The following MED29 variants were observed in gnomAD, a reference collection of about 807,000 sequenced individuals.
The protein encoded by MED29 is mediator of RNA polymerase II transcription subunit 29.
A neutral mutation model predicts 22.0 loss-of-function variants in MED29; 14 were observed. That is an observed-to-expected ratio of 0.64 (90% CI 0.42 to 0.99). The LOEUF (loss-of-function observed/expected upper bound fraction) is 0.99, where lower values mean the gene tolerates loss of function less well. MED29 is among the 50% of genes least tolerant of loss of function. The pLI, the probability that MED29 is intolerant of heterozygous loss-of-function variation, is 0.00. For synonymous variants in MED29, 123 were observed against 107.8 expected, an observed-to-expected ratio of 1.14 and a Z score of -0.87; for missense variants, 241 against 253.7, an observed-to-expected ratio of 0.95 and a Z score of 0.34.
chr19:39,395,054 A>T (rs895493177), intron 3 of MED29, among the ~76,000 whole-genome samples: 13 of 151,768 alleles, frequency 8.6e-5, no homozygotes, highest in Non-Finnish European at 1.8e-4. Flanking sequence ...GGGTTTTGCC[A>T]TGTTGCTCAG....
At chr19:39,394,978 A>AACCTCCC (rs113688915) in intron 3 of MED29, among the ~76,000 whole-genome samples, 65,366 of 150,482 alleles carry the variant, frequency 0.43, 15,396 homozygotes, top group African/African-American at 0.61. Context: ...CTCCCACCTC[A>AACCTCCC]AAGTAGCTGG....
intron 3 of MED29, among the ~76,000 whole-genome samples, chr19:39,396,920 C>G (rs1432602654): frequency 2.7e-5 from 4 of 150,818 alleles, no homozygotes; most frequent in Non-Finnish European, 4.4e-5. Flanking sequence ...CCCAGCTACT[C>G]GGGAGGCTGA....
chr19:39,399,633 C>T lies in MED29; in HGVS notation c.*1934C>T, dbSNP rs1329416017. 6.6e-6 allele frequency: 1 copy of T among 152,384 alleles called. No individual in the cohort carries two copies. The highest frequency in any genetic ancestry group is 1.5e-5 in the Non-Finnish European group (1 of 68,040). The allele number at this position is 152,384 out of a possible 1,614,324, so 9.4% of individuals were successfully genotyped here. On this transcript the variant is annotated 3_prime_UTR_variant, in exon 4 of 4. Coordinates refer to ENST00000315588, the MANE Select transcript of MED29 (RefSeq NM_017592.4). The stretch of plus-strand genomic sequence containing the variant: ...CTCCAAATAAGTACGATAACATAGT[C>T]ATAGTCCCACCCAACATGATGCAGT...
intron 2 of MED29, among the ~76,000 whole-genome samples, chr19:39,393,216 C>T (rs2078408879): frequency 6.7e-6 from 1 of 149,886 alleles, no homozygotes; most frequent in South Asian, 2.1e-4. Context: ...CTGCCTCGGC[C>T]TCCCAAGTAG....
Position 39,391,604 on chromosome 19 carries a change from A to C in MED29, c.182A>C (p.Lys61Thr). The change falls in exon 1 of 4, where the codon AAG becomes ACG. Residue 61 changes from lysine (K) to threonine (T), a missense_variant. Transcript: ENST00000315588. ...QQDFDPVQRY[K>T]MLIPQLKESL... ...GACTTCGATCCTGTGCAGCGTTATA[A>C]GATGCTCATCCCGCAGCTGAAGGAG... 6.2e-7 allele frequency: 1 copy of C among 1,608,924 alleles called. No individual in the cohort carries two copies. Among genetic ancestry groups the C allele is most frequent in the Non-Finnish European group, 8.5e-7 (1 of 1,176,928 alleles).
At chr19:39,394,159 G>A (rs993177265) in intron 3 of MED29, among the ~76,000 whole-genome samples, 1 of 152,156 alleles carries the variant, frequency 6.6e-6, no homozygotes, top group South Asian at 2.1e-4. Context: ...TTAGGAAAAC[G>A]GAGTTTCCAG....
At chr19:39,392,601 G>A (rs543729123) in intron 2 of MED29, 79 bp downstream of exon 2, 315 of 1,133,084 alleles carry the variant, frequency 2.8e-4, no homozygotes, top group Non-Finnish European at 3.5e-4. Flanking sequence ...CCTGCTCCCC[G>A]CCCACCTCAC....
At chr19:39,393,498 G>A in intron 2 of MED29, 55 bp from the exon 3 acceptor site, 1 of 1,512,288 alleles carries the variant, frequency 6.6e-7, no homozygotes, top group Non-Finnish European at 9.2e-7. Context: ...GTAGATACTG[G>A]TGTCCCAAAG....
chr19:39,391,814 A>G lies in MED29; in HGVS notation c.216+176A>G, dbSNP rs1227566512. 3.9e-5 allele frequency among the ~76,000 whole-genome samples: 6 copies of G among 152,140 alleles called. 1 individual carries two copies. Among genetic ancestry groups the G allele is most frequent in the Admixed American group, 3.3e-4 (5 of 15,264 alleles). On this transcript the variant is annotated intron_variant, in intron 1 of 3. Coordinates refer to ENST00000315588, the MANE Select transcript of MED29 (RefSeq NM_017592.4). The stretch of plus-strand genomic sequence containing the variant: ...TTTGGGAGGCCGAGGCGGGCGGATC[A>G]CTTGAGGTCAGGAGTTCAAGACCAG...
intron 2 of MED29, 137 bp from the exon 3 acceptor site, chr19:39,393,416 C>A (rs1600624198): frequency 3.8e-6 from 3 of 783,048 alleles, no homozygotes; most frequent in Non-Finnish European, 6.4e-6. Flanking sequence ...TTTTTTTGAA[C>A]CCCTCCGGTT....
At chr19:39,393,485 T>A in intron 2 of MED29, 68 bp from the exon 3 acceptor site, 1 of 1,403,190 alleles carries the variant, frequency 7.1e-7, no homozygotes, top group Non-Finnish European at 1.0e-6. Flanking sequence ...GACACTTGGT[T>A]GGGTAGATAC....
intron 1 of MED29, 113 bp downstream of exon 1, chr19:39,391,751 G>C: frequency 7.6e-7 from 1 of 1,312,928 alleles, no homozygotes; most frequent in Non-Finnish European, 1.0e-6. Flanking sequence ...AGAACCTGCT[G>C]TTTTGGCCTG....
At chr19:39,395,301 A>C (rs1000124844) in intron 3 of MED29, among the ~76,000 whole-genome samples, 1 of 152,170 alleles carries the variant, frequency 6.6e-6, no homozygotes, top group African/African-American at 2.4e-5. Context: ...GGCTTGTTGG[A>C]TTTTGAATAT....
At chr19:39,396,801 G>A (rs1486414652) in intron 3 of MED29, among the ~76,000 whole-genome samples, 5 of 151,886 alleles carry the variant, frequency 3.3e-5, no homozygotes, top group South Asian at 4.2e-4. Flanking sequence ...GAGGCGGGTC[G>A]GTCACCTGAG....
In MED29 at chr19:39,397,879, C is replaced by A; in HGVS notation, c.*180C>A. ...GCAGGCCGGGCCCCTGCGTCCCTGC[C>A]CCTTCTTCCTGCTCCCCCTCCTAGC... On this transcript the variant is annotated 3_prime_UTR_variant, in exon 4 of 4. Transcript: ENST00000315588. 1 of 999,612 alleles carries A rather than the reference C, an allele frequency of 1.0e-6. No homozygotes were observed. The highest frequency in any genetic ancestry group is 1.4e-6 in the Non-Finnish European group (1 of 699,136). The allele number at this position is 999,612 out of a possible 1,614,324, so 61.9% of individuals were successfully genotyped here. A position where few individuals can be genotyped will look rare whatever the true frequency, so the allele number is the denominator to read the frequency against.
Position 39,397,762 on chromosome 19 carries a change from C to G in MED29, c.*63C>G. On this transcript the variant is annotated 3_prime_UTR_variant, in exon 4 of 4. Transcript: ENST00000315588. ...GGTGGTGTGCAAAGGGAATGAAGAGCGTCCTGGGCCTAAACACAGCAGCCT... is the reference window on the plus strand; with the variant it reads ...GGTGGTGTGCAAAGGGAATGAAGAGGGTCCTGGGCCTAAACACAGCAGCCT... 2 of 1,565,528 alleles carry G rather than the reference C, an allele frequency of 1.3e-6. No individual in the cohort carries two copies. Among genetic ancestry groups the G allele is most frequent in the Non-Finnish European group, 1.7e-6 (2 of 1,158,614 alleles).
rs748904581 is a variant in MED29 at position 39,397,703 on chromosome 19, G to A, written c.*4G>A. On this transcript the variant is annotated 3_prime_UTR_variant, in exon 4 of 4. Transcript: ENST00000315588. Reference sequence around the variant, plus strand: ...TGGCCCTGGGGGCACTCTGTGAAGTGGGGGACAGGGAGTGGGGCAGGCAGT... The same window carrying A: ...TGGCCCTGGGGGCACTCTGTGAAGTAGGGGACAGGGAGTGGGGCAGGCAGT... The A allele has an allele frequency of 6.2e-7, 1 of 1,605,630 alleles. No individual in the cohort carries two copies. Among genetic ancestry groups the A allele is most frequent in the Non-Finnish European group, 8.5e-7 (1 of 1,178,722 alleles).
intron 3 of MED29, among the ~76,000 whole-genome samples, chr19:39,394,350 C>T (rs546959761): frequency 1.3e-5 from 2 of 152,162 alleles, no homozygotes; most frequent in South Asian, 4.1e-4. Flanking sequence ...CAATCTCCTC[C>T]TCCCAGTTTC....
At chr19:39,393,401 TTC>T in intron 2 of MED29, 150 bp from the exon 3 acceptor site, 1 of 724,238 alleles carries the variant, frequency 1.4e-6, no homozygotes. Context: ...CAGCCTCCTT[TTC>T]TTTTTTTTTG....
Sources: gnomAD v4.1 joint callset for allele counts (sites outside exome capture counted in the v4.1 genomes callset) on GRCh38, gnomAD v4.1.1 for gene constraint, MANE v1.5 for transcripts, NCBI Gene and HGNC (gene_info 2026-07-23, HGNC 2026-07-21) for gene names.